Variants in EIPR1 observed in about 807,000 individuals in gnomAD.
EIPR1 encodes EARP complex and GARP complex interacting protein 1.
Under a neutral mutation model 48.1 loss-of-function variants are expected in EIPR1, and 25 were observed. The ratio of observed to expected loss-of-function variants is 0.52; its 90% CI spans 0.38 to 0.73. The LOEUF (loss-of-function observed/expected upper bound fraction) is 0.73, where lower values mean the gene tolerates loss of function less well. Ranked by LOEUF, EIPR1 falls within the 30% of genes least tolerant of loss-of-function variation. The pLI is 0.00. For synonymous variants in EIPR1, 204 were observed against 201.9 expected, an observed-to-expected ratio of 1.01 and a Z score of -0.09; for missense variants, 415 against 506.2, an observed-to-expected ratio of 0.82 and a Z score of 1.73.
intron 2 of EIPR1, among the ~76,000 whole-genome samples, chr2:3,351,248 GC>G (rs1177331923): frequency 3.9e-5 from 6 of 152,124 alleles, no homozygotes; most frequent in Non-Finnish European, 8.8e-5. Flanking sequence ...TGATCCACCC[GC>G]CTTGGCCTCC....
intron 4 of EIPR1, among the ~76,000 whole-genome samples, chr2:3,225,635 CT>C (rs376420053): frequency 6.1e-4 from 93 of 152,080 alleles, no homozygotes; most frequent in African/African-American, 1.9e-3. Flanking sequence ...AGTTAACTCC[CT>C]TTTTTTTGTC....
chr2:3,197,126 A>AT, intron 5 of EIPR1, 109 bp from the exon 6 acceptor site: 2 of 1,222,136 alleles, frequency 1.6e-6, no homozygotes, highest in Non-Finnish European at 2.2e-6. Flanking sequence ...ATTGAAAATA[A>AT]TTACTGAGGA....
At chr2:3,240,268 C>A (rs199684564) in intron 4 of EIPR1, among the ~76,000 whole-genome samples, 2,916 of 16,942 alleles carry the variant, frequency 0.17, 3 homozygotes, top group East Asian at 0.25. Flanking sequence ...GACTCTTCCT[C>A]AGGAACAGCC....
chr2:3,190,219 G>A (rs1353759258), intron 8 of EIPR1, among the ~76,000 whole-genome samples: 2 of 152,192 alleles, frequency 1.3e-5, no homozygotes, highest in Non-Finnish European at 2.9e-5. Flanking sequence ...TGGGGAGGGG[G>A]CCCTGCCCGG....
At position 3,242,950 on chromosome 2, in the gene EIPR1, C is replaced by G. The variant is rs115057677; in HGVS notation, c.416+14349G>C. On this transcript the variant is annotated intron_variant, in intron 4 of 8. Transcript: ENST00000382125. ...ATCACACCGTTCAGTCCCCAGGCTCCCTTTGATCAAATCTGCAGATGTACA... is the reference window on the plus strand; with the variant it reads ...ATCACACCGTTCAGTCCCCAGGCTCGCTTTGATCAAATCTGCAGATGTACA... Among the ~76,000 whole-genome samples, 601 of 152,188 alleles carry G rather than the reference C, an allele frequency of 3.9e-3. 5 individuals carry two copies. Among genetic ancestry groups the G allele is most frequent in the African/African-American group, 0.014 (581 of 41,528 alleles).
At chr2:3,366,953 G>C (rs1237818045) in intron 1 of EIPR1, among the ~76,000 whole-genome samples, 1 of 152,114 alleles carries the variant, frequency 6.6e-6, no homozygotes, top group Non-Finnish European at 1.5e-5. Flanking sequence ...GCTGAGGCAG[G>C]AGAATCACTT....
intron 3 of EIPR1, among the ~76,000 whole-genome samples, chr2:3,329,786 T>C (rs796525658): frequency 6.9e-6 from 1 of 144,326 alleles, no homozygotes; most frequent in African/African-American, 2.6e-5. Flanking sequence ...AACATCAGAG[T>C]CCACCCACCA....
chr2:3,257,667 C>T, intron 3 of EIPR1: 1 of 429,678 alleles, frequency 2.3e-6, no homozygotes, highest in Non-Finnish European at 4.1e-6. Context: ...ATCCTGTTCC[C>T]CACTTTCTCT....
intron 5 of EIPR1, among the ~76,000 whole-genome samples, chr2:3,212,144 A>T (rs1665478337): frequency 6.6e-6 from 1 of 152,242 alleles, no homozygotes; most frequent in Non-Finnish European, 1.5e-5. Flanking sequence ...CCACAAAGTA[A>T]TATTGACAGA....
chr2:3,348,563 G>A (rs1048992879), intron 2 of EIPR1, among the ~76,000 whole-genome samples: 1 of 152,144 alleles, frequency 6.6e-6, no homozygotes, highest in Non-Finnish European at 1.5e-5. Context: ...TCCTTGTCCC[G>A]CCTAAGCACA....
intron 3 of EIPR1, among the ~76,000 whole-genome samples, chr2:3,321,183 T>G (rs1669517486): frequency 6.6e-6 from 1 of 152,214 alleles, no homozygotes. Context: ...TCTTGATTTC[T>G]TTCTCTTTTC....
intron 1 of EIPR1, among the ~76,000 whole-genome samples, chr2:3,364,844 G>C (rs1670935791): frequency 6.6e-6 from 1 of 152,094 alleles, no homozygotes; most frequent in African/African-American, 2.4e-5. Flanking sequence ...AGGGTGGCTT[G>C]GATGAAGAAA....
chr2:3,245,200 G>A (rs1019461024), intron 4 of EIPR1, among the ~76,000 whole-genome samples: 2 of 151,580 alleles, frequency 1.3e-5, no homozygotes, highest in African/African-American at 4.8e-5. Context: ...GTTGCGTTGC[G>A]TTGCGTTGCA....
intron 3 of EIPR1, among the ~76,000 whole-genome samples, chr2:3,326,276 T>C (rs1307510816): frequency 2.0e-5 from 3 of 152,190 alleles, no homozygotes; most frequent in Admixed American, 6.5e-5. Flanking sequence ...TAGTCAACTG[T>C]GCCCATTTTA....
intron 6 of EIPR1, among the ~76,000 whole-genome samples, chr2:3,195,180 G>A (rs1664764843): frequency 6.6e-6 from 1 of 152,234 alleles, no homozygotes; most frequent in African/African-American, 2.4e-5. Flanking sequence ...GTCATCCAGT[G>A]AGGCTGGACA....
chr2:3,288,142 C>T (rs1039943326), intron 3 of EIPR1, among the ~76,000 whole-genome samples: 25 of 152,202 alleles, frequency 1.6e-4, no homozygotes, highest in African/African-American at 5.3e-4. Flanking sequence ...GGGGCAGGGC[C>T]ACAGTCTCCC....
chr2:3,342,277 TACCATCACACAGGA>T (rs1368412621), intron 2 of EIPR1, among the ~76,000 whole-genome samples: 62 of 152,360 alleles, frequency 4.1e-4, no homozygotes, highest in African/African-American at 1.3e-3. Context: ...GATTATATAA[TACCATCACACAGGA>T]ACACAGACCA....
intron 4 of EIPR1, among the ~76,000 whole-genome samples, chr2:3,251,777 C>G (rs1667006430): frequency 6.6e-6 from 1 of 152,188 alleles, no homozygotes; most frequent in Non-Finnish European, 1.5e-5. Context: ...ACTGAAACAT[C>G]CTCAACGCTT....
rs1383521277 is a variant in EIPR1, at chr2:3,312,402, T to G, written c.259+25615A>C. On this transcript the variant is annotated intron_variant, in intron 3 of 8. Transcript: ENST00000382125. This position sits in a 1 kb window ranked among gnomAD's most constrained non-coding sequence, Gnocchi z 5.5. ...CCTGGAAGGTTCTGTGTGCCTGCTG[T>G]GGGGATGAGACTCACGTCTGAGGGG... Among the ~76,000 whole-genome samples, 1 of 152,114 alleles carries G rather than the reference T, an allele frequency of 6.6e-6. No homozygotes were observed. The highest frequency in any genetic ancestry group is 2.4e-5 in the African/African-American group (1 of 41,414).
Sources: allele counts gnomAD v4.1 joint callset (sites outside exome capture counted in the v4.1 genomes callset), GRCh38; gene constraint gnomAD v4.1.1; non-coding constraint Gnocchi (gnomAD v3.1); transcripts MANE v1.5; gene names NCBI Gene and HGNC (gene_info 2026-07-23, HGNC 2026-07-21).